The following CASK variants were observed in gnomAD, a reference collection of about 807,000 sequenced individuals.
CASK encodes peripheral plasma membrane protein CASK.
A neutral mutation model predicts 82.9 loss-of-function variants in CASK; 4 were observed. The observed-to-expected ratio is 0.05, with a 90% confidence interval of 0.02 to 0.11. The LOEUF (loss-of-function observed/expected upper bound fraction) is 0.11, where lower values mean the gene tolerates loss of function less well. Among genes scored for constraint, CASK ranks in the 10% least tolerant of loss-of-function variants. CASK has a pLI of 1.00. For missense variants in CASK, 358 were observed against 720.9 expected, an observed-to-expected ratio of 0.50 and a Z score of 5.76; for synonymous variants, 259 against 253.5, an observed-to-expected ratio of 1.02 and a Z score of -0.20.
intron 5 of CASK, among the ~76,000 whole-genome samples, chrX:41,722,686 GA>G (rs768993279): frequency 2.3e-4 from 26 of 112,216 alleles, no homozygotes; most frequent in Non-Finnish European, 4.3e-4. Context: ...AGATGTGAAA[GA>G]AAGAGGAATT....
rs537238992 is a variant in CASK at position 41,567,269 on chromosome X, G to A, written c.1582+2399C>T. Reference sequence around the variant, plus strand: ...TAATTAAACTAAAGAGCTTCTGCATGGCAAAAGAAACTACCATCAGAGTGA... The same window carrying A: ...TAATTAAACTAAAGAGCTTCTGCATAGCAAAAGAAACTACCATCAGAGTGA... On this transcript the variant is annotated intron_variant, in intron 16 of 26. Coordinates refer to ENST00000378163, the MANE Select transcript of CASK (RefSeq NM_001367721.1). Among the ~76,000 whole-genome samples the A allele has an allele frequency of 3.6e-5, 4 of 111,658 alleles. No individual in the cohort carries two copies. In the South Asian group the frequency reaches 1.1e-3, roughly 31 times the overall value.
At chrX:41,665,178 G>C in intron 7 of CASK, 99 bp downstream of exon 7, 4 of 706,456 alleles carry the variant, frequency 5.7e-6, no homozygotes, top group Non-Finnish European at 8.7e-6. Context: ...TAACTACCTG[G>C]CAGTCAATTA....
At chrX:41,631,095 G>A (rs1481738816) in intron 9 of CASK, among the ~76,000 whole-genome samples, 1 of 111,399 alleles carries the variant, frequency 9.0e-6, no homozygotes, top group Non-Finnish European at 1.9e-5. Flanking sequence ...ATGACTAAAA[G>A]AGGCTGCAGT....
chrX:41,678,820 C>T (rs189001742), intron 5 of CASK, among the ~76,000 whole-genome samples: 18 of 111,163 alleles, frequency 1.6e-4, no homozygotes, highest in Non-Finnish European at 2.8e-4. Flanking sequence ...TTTGCTTTAT[C>T]AAATATCTAT....
At chrX:41,771,779 T>C (rs2069249024) in intron 3 of CASK, among the ~76,000 whole-genome samples, 2 of 110,997 alleles carry the variant, frequency 1.8e-5, no homozygotes, top group African/African-American at 6.5e-5. Flanking sequence ...ATGGAATAGG[T>C]GGTGCAAATA....
chrX:41,527,197 G>GAC (rs1235068489), intron 25 of CASK, among the ~76,000 whole-genome samples: 1 of 110,618 alleles, frequency 9.0e-6, no homozygotes, highest in East Asian at 2.8e-4. Flanking sequence ...CGGGGACAGA[G>GAC]AGAGAGACAG....
chrX:41,626,756 ATAAGT>A, intron 9 of CASK, 53 bp from the exon 10 acceptor site: 1 of 770,635 alleles, frequency 1.3e-6, no homozygotes, highest in South Asian at 2.2e-5. Flanking sequence ...ACAAATATAA[ATAAGT>A]TATTTAACAA....
intron 16 of CASK, among the ~76,000 whole-genome samples, chrX:41,565,987 A>G (rs868077887): frequency 8.9e-6 from 1 of 112,096 alleles, no homozygotes; most frequent in Middle Eastern, 4.2e-3. Context: ...CAAAAACCAC[A>G]TGATTATCTC....
intron 3 of CASK, among the ~76,000 whole-genome samples, chrX:41,768,687 G>A (rs913768268): frequency 3.6e-5 from 4 of 111,467 alleles, no homozygotes; most frequent in Admixed American, 9.6e-5. Flanking sequence ...AGAATTCTTC[G>A]CCAGGTGTGG....
intron 5 of CASK, among the ~76,000 whole-genome samples, chrX:41,698,512 T>C (rs2067733880): frequency 9.0e-6 from 1 of 111,276 alleles, no homozygotes; most frequent in Admixed American, 9.6e-5. Context: ...GACGGATGAA[T>C]AAGATAGGGA....
intron 1 of CASK, among the ~76,000 whole-genome samples, chrX:41,908,750 A>G (rs1235130938): frequency 8.9e-6 from 1 of 112,324 alleles, no homozygotes; most frequent in African/African-American, 3.2e-5. Context: ...CGTTTACCTA[A>G]TGATTTTAGC....
chrX:41,615,951 T>C (rs1003120673), intron 11 of CASK, among the ~76,000 whole-genome samples: 1 of 112,138 alleles, frequency 8.9e-6, no homozygotes, highest in Non-Finnish European at 1.9e-5. Context: ...CTCATGCTGA[T>C]ATACAGTTTA....
At chrX:41,553,172 A>G (rs1569301858) in intron 21 of CASK, among the ~76,000 whole-genome samples, 1 of 112,171 alleles carries the variant, frequency 8.9e-6, no homozygotes, top group Non-Finnish European at 1.9e-5. Flanking sequence ...CCCTAACTTT[A>G]GCCTGCTTTT....
intron 21 of CASK, among the ~76,000 whole-genome samples, chrX:41,551,514 A>T (rs2065097104): frequency 9.0e-6 from 1 of 111,478 alleles, no homozygotes. Flanking sequence ...AGAAGTGTTC[A>T]GTAATGACAA....
intron 1 of CASK, among the ~76,000 whole-genome samples, chrX:41,877,214 T>G (rs1485395096): frequency 8.9e-6 from 1 of 111,762 alleles, no homozygotes; most frequent in Non-Finnish European, 1.9e-5. Flanking sequence ...TCAACTTCCC[T>G]GATTGGAGAT....
At chrX:41,915,330 G>A (rs2072654930) in intron 1 of CASK, among the ~76,000 whole-genome samples, 1 of 112,500 alleles carries the variant, frequency 8.9e-6, no homozygotes, top group South Asian at 3.6e-4. Context: ...ATACTGGGCA[G>A]CAGCTAAAGA....
intron 1 of CASK, among the ~76,000 whole-genome samples, chrX:41,879,686 T>C (rs763558082): frequency 7.2e-5 from 8 of 111,822 alleles, no homozygotes; most frequent in Non-Finnish European, 1.3e-4. Context: ...TTCGTAAGCA[T>C]TCAGATTAAC....
chrX:41,716,455 T>A (rs1415333109), intron 5 of CASK, among the ~76,000 whole-genome samples: 1 of 112,632 alleles, frequency 8.9e-6, no homozygotes, highest in Non-Finnish European at 1.9e-5. Context: ...TTCTGAGGTA[T>A]CCGGGAAGAG....
Position 41,825,379 on chromosome X carries a change from C to G in CASK, c.172+27736G>C, listed in dbSNP as rs192376571. On this transcript the variant is annotated intron_variant, in intron 2 of 26. Coordinates refer to ENST00000378163, the MANE Select transcript of CASK (RefSeq NM_001367721.1). The stretch of plus-strand genomic sequence containing the variant: ...ATTATCTAAAGTGATAAAATATTCA[C>G]TCTAGATACCCAGCAAATACTTTGA... Among the ~76,000 whole-genome samples the G allele has an allele frequency of 5.4e-5, 6 of 111,615 alleles. No homozygotes were observed. The Admixed American group carries it at 5.7e-4, about 11-fold the overall frequency.
Sources: gnomAD v4.1 joint callset for allele counts (sites outside exome capture counted in the v4.1 genomes callset) on GRCh38, gnomAD v4.1.1 for gene constraint, MANE v1.5 for transcripts, NCBI Gene and HGNC (gene_info 2026-07-23, HGNC 2026-07-21) for gene names.